The following MTMR3 variants were observed in gnomAD, a reference collection of about 807,000 sequenced individuals.
The protein encoded by MTMR3 is phosphatidylinositol-3,5-bisphosphate 3-phosphatase MTMR3.
In MTMR3, 32 loss-of-function variants were observed where a neutral mutation model predicts 132.4. That is an observed-to-expected ratio of 0.24 (90% CI 0.18 to 0.32). MTMR3 has a LOEUF of 0.32. MTMR3 is among the 10% of genes least tolerant of loss of function. MTMR3 has a pLI of 1.00. For missense variants in MTMR3, 1,216 were observed against 1,489.6 expected (o/e 0.82, Z 3.02); for synonymous variants, 556 against 550.3 (o/e 1.01, Z -0.14).
intron 1 of MTMR3, among the ~76,000 whole-genome samples, chr22:29,885,252 T>A (rs2064650368): frequency 6.6e-6 from 1 of 152,214 alleles, no homozygotes; most frequent in Non-Finnish European, 1.5e-5. Context: ...CAGCAAGGCA[T>A]GTGAACTTTT....
intron 1 of MTMR3, among the ~76,000 whole-genome samples, chr22:29,949,982 A>C (rs529131957): frequency 6.6e-6 from 1 of 152,330 alleles, no homozygotes; most frequent in South Asian, 2.1e-4. Flanking sequence ...GAGGAATTGT[A>C]GTTAACTTCT....
chr22:29,884,081 A>G (rs564302922), intron 1 of MTMR3, among the ~76,000 whole-genome samples: 8 of 152,338 alleles, frequency 5.3e-5, no homozygotes, highest in Non-Finnish European at 1.5e-5. Context: ...TGTCAAAATT[A>G]TGGGGTAGAT....
chr22:30,019,336 G>A, intron 16 of MTMR3, 144 bp from the exon 17 acceptor site: 3 of 754,566 alleles, frequency 4.0e-6, no homozygotes, highest in Non-Finnish European at 2.1e-6. Flanking sequence ...CCAGCAGTCT[G>A]GGCCTCGCTC....
chr22:29,975,780 A>G (rs1056128451), intron 3 of MTMR3, among the ~76,000 whole-genome samples: 4 of 152,050 alleles, frequency 2.6e-5, no homozygotes, highest in East Asian at 1.9e-4. Context: ...TAGTTTCTCT[A>G]TTTTTTGTAG....
chr22:30,023,809 C>A, intron 19 of MTMR3: 2 of 335,642 alleles, frequency 6.0e-6, no homozygotes, highest in Non-Finnish European at 1.1e-5. Flanking sequence ...GTCAGTGATT[C>A]ATTGAGATGC....
chr22:29,987,977 C>G (rs2066890564), intron 5 of MTMR3: 2 of 152,754 alleles, frequency 1.3e-5, no homozygotes, highest in Admixed American at 1.3e-4. Context: ...CAGCTTAGAA[C>G]TCTAGTCTTT....
intron 1 of MTMR3, among the ~76,000 whole-genome samples, chr22:29,920,752 T>TAAAGATTGATACTGACCAAATATA (rs939550542): frequency 2.6e-5 from 4 of 152,196 alleles, no homozygotes; most frequent in Non-Finnish European, 4.4e-5. Context: ...GCATGTGGAC[T>TAAAGATTGATACTGACCAAATATA]AAAGATTGAT....
intron 1 of MTMR3, among the ~76,000 whole-genome samples, chr22:29,923,692 G>C (rs1261477370): frequency 6.6e-6 from 1 of 152,136 alleles, no homozygotes; most frequent in Non-Finnish European, 1.5e-5. Context: ...CCTAGAGTGA[G>C]GTCTCTGGTG....
chr22:29,937,208 A>G (rs928762025), intron 1 of MTMR3, among the ~76,000 whole-genome samples: 1 of 152,034 alleles, frequency 6.6e-6, no homozygotes, highest in African/African-American at 2.4e-5. Context: ...TTAGGGCTGA[A>G]TCTTATTTCT....
intron 7 of MTMR3, chr22:29,992,687 C>T (rs1244874706): frequency 6.6e-6 from 1 of 152,052 alleles, no homozygotes; most frequent in African/African-American, 2.4e-5. Context: ...TTCTAGAAAC[C>T]TGAAATTTTA....
At chr22:30,004,534 C>T (rs2067236620) in intron 9 of MTMR3, 1 of 151,964 alleles carries the variant, frequency 6.6e-6, no homozygotes, top group Non-Finnish European at 1.5e-5. Context: ...GGGCATGCAC[C>T]CTAGGTTTTC....
intron 1 of MTMR3, among the ~76,000 whole-genome samples, chr22:29,956,378 C>T (rs191270457): frequency 2.7e-3 from 406 of 152,240 alleles, no homozygotes; most frequent in African/African-American, 9.1e-3. Flanking sequence ...TCCTGAATAG[C>T]TGGGATCACA....
intron 1 of MTMR3, among the ~76,000 whole-genome samples, chr22:29,911,326 T>C (rs1416595398): frequency 1.3e-5 from 2 of 152,108 alleles, no homozygotes; most frequent in African/African-American, 4.8e-5. Context: ...AGACGATTGC[T>C]TGAGCCCAGG....
intron 3 of MTMR3, 62 bp downstream of exon 3, chr22:29,971,124 T>A: frequency 6.6e-7 from 1 of 1,511,924 alleles, no homozygotes. Flanking sequence ...GACAATTAAG[T>A]GAACACTAAT....
chr22:29,901,126 AGAAGAGTCTCATTTGT>A (rs1289280511), intron 1 of MTMR3, among the ~76,000 whole-genome samples: 2 of 152,154 alleles, frequency 1.3e-5, no homozygotes, highest in Non-Finnish European at 2.9e-5. Context: ...CAAAATTAGG[AGAAGAGTCTCATTTGT>A]TTTGACCATG....
chr22:29,925,930 A>G (rs2065508258), intron 1 of MTMR3, among the ~76,000 whole-genome samples: 1 of 152,164 alleles, frequency 6.6e-6, no homozygotes, highest in South Asian at 2.1e-4. Context: ...ATAAAATAAA[A>G]TAAAAATAAA....
At chr22:29,921,055 TG>T (rs576194856) in intron 1 of MTMR3, among the ~76,000 whole-genome samples, 79 of 152,142 alleles carry the variant, frequency 5.2e-4, no homozygotes, top group Admixed American at 1.2e-3. Context: ...TTGGGGAATG[TG>T]TTTGTTTTGT....
At chr22:30,009,296 T>G in intron 12 of MTMR3, 167 bp downstream of exon 12, 5 of 588,402 alleles carry the variant, frequency 8.5e-6, no homozygotes, top group Non-Finnish European at 1.5e-5. Context: ...AAGTATCTCC[T>G]TGCTGGGTCT....
At chr22:29,914,659 A>G (rs990981919) in intron 1 of MTMR3, among the ~76,000 whole-genome samples, 1 of 152,042 alleles carries the variant, frequency 6.6e-6, no homozygotes. Flanking sequence ...TATCTAAGGA[A>G]TTGTCTCTAA....
Sources: allele counts gnomAD v4.1 joint callset (sites outside exome capture counted in the v4.1 genomes callset), GRCh38; gene constraint gnomAD v4.1.1; transcripts MANE v1.5; gene names NCBI Gene and HGNC (gene_info 2026-07-23, HGNC 2026-07-21).